Variants in RAB31 observed in about 807,000 individuals in gnomAD.
RAB31 encodes ras-related protein Rab-31.
Under a neutral mutation model 25.6 loss-of-function variants are expected in RAB31, and 21 were observed. The observed-to-expected ratio is 0.82, with a 90% CI of 0.58 to 1.18. The LOEUF is 1.18. RAB31 is among the 50% of genes most tolerant of loss of function. The pLI, the probability that RAB31 is intolerant of heterozygous loss-of-function variation, is 0.00. For synonymous variants in RAB31, 87 were observed against 84.0 expected, an observed-to-expected ratio of 1.04 and a Z score of -0.20; for missense variants, 196 against 250.1, an observed-to-expected ratio of 0.78 and a Z score of 1.46.
chr18:9,834,478 T>C (rs2068694580), intron 5 of RAB31, among the ~76,000 whole-genome samples: 1 of 152,166 alleles, frequency 6.6e-6, no homozygotes, highest in African/African-American at 2.4e-5. Context: ...AAAAACACCT[T>C]TCCTATAGGC....
intron 5 of RAB31, among the ~76,000 whole-genome samples, chr18:9,817,620 G>A (rs2068605592): frequency 2.6e-5 from 4 of 152,294 alleles, no homozygotes; most frequent in Admixed American, 2.6e-4. Context: ...GGGAAGGCAG[G>A]TGGTCTTGAA....
intron 5 of RAB31, among the ~76,000 whole-genome samples, chr18:9,819,215 G>T (rs1376776585): frequency 1.3e-5 from 2 of 152,050 alleles, no homozygotes; most frequent in East Asian, 3.8e-4. Flanking sequence ...TTACATTTAG[G>T]TCTGTCATCC....
chr18:9,743,394 A>G (rs2068189622), intron 1 of RAB31, among the ~76,000 whole-genome samples: 1 of 152,246 alleles, frequency 6.6e-6, no homozygotes, highest in Admixed American at 6.5e-5. Context: ...CCTTAATTCA[A>G]ATAATAATAC....
intron 2 of RAB31, among the ~76,000 whole-genome samples, chr18:9,783,806 G>A (rs1208705171): frequency 1.3e-5 from 2 of 152,070 alleles, no homozygotes; most frequent in East Asian, 1.9e-4. Flanking sequence ...AAATGCAAGC[G>A]AACAATAAAT....
intron 3 of RAB31, among the ~76,000 whole-genome samples, chr18:9,805,466 C>T (rs1191272690): frequency 1.3e-5 from 2 of 152,132 alleles, no homozygotes; most frequent in African/African-American, 2.4e-5. Flanking sequence ...TTAAATCTCT[C>T]TCCCACTCCC....
rs888855409 is a variant in RAB31 at position 9,816,804 on chromosome 18, T to G, written c.380+1582T>G. Among the ~76,000 whole-genome samples, 4 of 152,250 alleles carry G rather than the reference T, an allele frequency of 2.6e-5. No homozygotes were observed. The South Asian group carries it at 8.3e-4, about 31-fold the overall frequency. On this transcript the variant is annotated intron_variant, in intron 5 of 6. Coordinates refer to ENST00000578921, the MANE Select transcript of RAB31 (RefSeq NM_006868.4). ...TGGTATCTCCATTCCCTTGGTTAATTTAATTCTCAGGAATTCTAGTCGTTG... is the reference window on the plus strand; with the variant it reads ...TGGTATCTCCATTCCCTTGGTTAATGTAATTCTCAGGAATTCTAGTCGTTG...
intron 1 of RAB31, among the ~76,000 whole-genome samples, chr18:9,730,018 A>C (rs191743366): frequency 6.6e-6 from 1 of 152,316 alleles, no homozygotes; most frequent in Admixed American, 6.5e-5. Flanking sequence ...GATTTTTCAT[A>C]TGCTTCATAT....
At chr18:9,847,928 C>G (rs2068769777) in intron 6 of RAB31, among the ~76,000 whole-genome samples, 1 of 151,982 alleles carries the variant, frequency 6.6e-6, no homozygotes, top group African/African-American at 2.4e-5. Context: ...CTGTGTGTGA[C>G]AGGGACTTTG....
intron 5 of RAB31, among the ~76,000 whole-genome samples, chr18:9,840,466 T>C (rs2068727870): frequency 6.6e-6 from 1 of 152,194 alleles, no homozygotes; most frequent in African/African-American, 2.4e-5. Flanking sequence ...TTCTGCATCA[T>C]GGGTCTGTGC....
intron 3 of RAB31, among the ~76,000 whole-genome samples, chr18:9,804,445 A>G (rs1283219935): frequency 3.3e-5 from 5 of 152,186 alleles, no homozygotes; most frequent in Admixed American, 3.3e-4. Context: ...ACGTGGGGCC[A>G]AAACACAGAG....
At chr18:9,840,395 A>G (rs2068727295) in intron 5 of RAB31, among the ~76,000 whole-genome samples, 1 of 152,126 alleles carries the variant, frequency 6.6e-6, no homozygotes, top group Non-Finnish European at 1.5e-5. Context: ...AAATAAACAA[A>G]AGTCACGGGA....
At chr18:9,801,320 C>T (rs1326602762) in intron 3 of RAB31, among the ~76,000 whole-genome samples, 2 of 145,232 alleles carry the variant, frequency 1.4e-5, no homozygotes, top group Non-Finnish European at 3.0e-5. Context: ...TCTTCTCTGT[C>T]GCCTAGGCTG....
intron 5 of RAB31, among the ~76,000 whole-genome samples, chr18:9,822,385 G>T (rs1318989231): frequency 2.0e-5 from 3 of 152,092 alleles, no homozygotes; most frequent in Non-Finnish European, 4.4e-5. Flanking sequence ...TAAATTTAAA[G>T]ATCTGGGGTT....
rs543939372 is a variant in RAB31 at position 9,845,612 on chromosome 18, C to T, written c.411C>T (p.Tyr137=). Residue 137 remains tyrosine (Y), a synonymous_variant, in exon 6 of 7, where the codon TAC becomes TAT. Coordinates refer to ENST00000578921, the MANE Select transcript of RAB31 (RefSeq NM_006868.4). ...REVPLKDAKE[Y]AESIGAIVVE... ...TTCCCCTGAAGGATGCTAAGGAATA[C>T]GCTGAATCCATAGGTGCCATCGTGG... 5.2e-5 allele frequency: 82 copies of T among 1,565,188 alleles called. No individual in the cohort carries two copies. The Admixed American group carries it at 5.8e-4, about 11-fold the overall frequency.
At position 9,753,213 on chromosome 18, in the gene RAB31, C is replaced by T. The variant is rs915427919; in HGVS notation, c.40-22065C>T. 5.3e-5 allele frequency among the ~76,000 whole-genome samples: 8 copies of T among 152,290 alleles called. No homozygotes were observed. The East Asian group carries it at 5.8e-4, about 11-fold the overall frequency. On this transcript the variant is annotated intron_variant, in intron 1 of 6. Coordinates refer to ENST00000578921, the MANE Select transcript of RAB31 (RefSeq NM_006868.4). Reference sequence around the variant, plus strand: ...GAATGTTTGTCCCCTCTAAAACTCACGTTGAAACTTAATTCCCAGTATATT... The same window carrying T: ...GAATGTTTGTCCCCTCTAAAACTCATGTTGAAACTTAATTCCCAGTATATT...
At chr18:9,724,914 G>A (rs531209227) in intron 1 of RAB31, among the ~76,000 whole-genome samples, 70 of 152,278 alleles carry the variant, frequency 4.6e-4, no homozygotes, top group Non-Finnish European at 9.7e-4. Context: ...TCACAGTTCT[G>A]TAGGTTGACT....
rs868454447 is a variant in RAB31, at chr18:9,759,672, C to T, written c.40-15606C>T. ...GAGGACCAACAAGGTATATGCTTGC[C>T]GGAGGTCAAGACAGAGAGACAGGAG... On this transcript the variant is annotated intron_variant, in intron 1 of 6. Transcript: ENST00000578921. Among the ~76,000 whole-genome samples the T allele has an allele frequency of 7.2e-5, 11 of 152,124 alleles. No homozygotes were observed. In the South Asian group the frequency reaches 1.5e-3, roughly 20 times the overall value.
chr18:9,832,162 G>T (rs1344309476), intron 5 of RAB31, among the ~76,000 whole-genome samples: 1 of 152,208 alleles, frequency 6.6e-6, no homozygotes, highest in African/African-American at 2.4e-5. Context: ...GGCCCAAAGG[G>T]ATTCAGCCCA....
Position 9,714,569 on chromosome 18 carries a change from C to A in RAB31, c.39+6125C>A, listed in dbSNP as rs577870420. 2.0e-5 allele frequency among the ~76,000 whole-genome samples: 3 copies of A among 152,324 alleles called. No individual in the cohort carries two copies. The South Asian group carries it at 6.2e-4, about 32-fold the overall frequency. On this transcript the variant is annotated intron_variant, in intron 1 of 6. Coordinates refer to ENST00000578921, the MANE Select transcript of RAB31 (RefSeq NM_006868.4). ...TTTGAGTTCACTAATTGGAAAAGAC[C>A]TTTAAAATTTAATTAAGCCTGGTAG... is the stretch of plus-strand genomic sequence containing the variant.
Sources: gnomAD v4.1 joint callset for allele counts (sites outside exome capture counted in the v4.1 genomes callset) on GRCh38, gnomAD v4.1.1 for gene constraint, MANE v1.5 for transcripts, NCBI Gene and HGNC (gene_info 2026-07-23, HGNC 2026-07-21) for gene names.